Variants in CADM2 observed in about 807,000 individuals in gnomAD.
CADM2 encodes the protein cell adhesion molecule 2.
In CADM2, 12 loss-of-function variants were observed where a neutral mutation model predicts 49.8. The ratio of observed to expected loss-of-function variants is 0.24; its 90% CI spans 0.15 to 0.39. CADM2 has a LOEUF of 0.39. CADM2 is among the 10% of genes least tolerant of loss of function. CADM2 has a pLI of 1.00. For synonymous variants in CADM2, 214 were observed against 175.4 expected (o/e 1.22, Z -1.74); for missense variants, 378 against 492.3 (o/e 0.77, Z 2.20).
chr3:85,002,096 C>T (rs1195784541), intron 1 of CADM2, among the ~76,000 whole-genome samples: 1 of 151,948 alleles, frequency 6.6e-6, no homozygotes, highest in Non-Finnish European at 1.5e-5. Flanking sequence ...TTTTTCTTAA[C>T]ATGATTTGCT....
At chr3:85,013,991 C>T (rs1002357452) in intron 1 of CADM2, among the ~76,000 whole-genome samples, 153 of 136,946 alleles carry the variant, frequency 1.1e-3, no homozygotes, top group Middle Eastern at 0.01. Context: ...ATTATATATA[C>T]GCAGTGTAAT....
At chr3:85,248,963 A>G in intron 1 of CADM2, among the ~76,000 whole-genome samples, 1 of 152,184 alleles carries the variant, frequency 6.6e-6, no homozygotes, top group East Asian at 1.9e-4. Flanking sequence ...TTTGAGCAGA[A>G]GATACAGTAG....
At chr3:85,303,295 T>C (rs1168902754) in intron 1 of CADM2, among the ~76,000 whole-genome samples, 1 of 151,926 alleles carries the variant, frequency 6.6e-6, no homozygotes, top group Admixed American at 6.6e-5. Flanking sequence ...TGCAGTAGTG[T>C]AAGTGTTAAA....
intron 1 of CADM2, among the ~76,000 whole-genome samples, chr3:85,619,993 G>C (rs186452429): frequency 6.6e-6 from 1 of 152,166 alleles, no homozygotes; most frequent in African/African-American, 2.4e-5. Flanking sequence ...GTGATGAAAT[G>C]TCTTTTCATG....
chr3:85,387,463 A>T (rs540782335), intron 1 of CADM2, among the ~76,000 whole-genome samples: 20 of 152,090 alleles, frequency 1.3e-4, no homozygotes, highest in Admixed American at 3.3e-4. Context: ...GTTGGTGTTC[A>T]TTTTATTTTC....
At chr3:85,122,205 A>G (rs1270910725) in intron 1 of CADM2, among the ~76,000 whole-genome samples, 3 of 152,096 alleles carry the variant, frequency 2.0e-5, no homozygotes, top group African/African-American at 4.8e-5. Context: ...CCCTAATTAT[A>G]CTTACAATCA....
At chr3:85,886,078 G>T (rs1713614382) in intron 4 of CADM2, 112 bp from the exon 5 acceptor site, 1 of 1,481,270 alleles carries the variant, frequency 6.8e-7, no homozygotes, top group South Asian at 1.4e-5. Flanking sequence ...CATCTTGATC[G>T]AACTTCTTGT....
chr3:85,416,164 A>G (rs2035910948), intron 1 of CADM2, among the ~76,000 whole-genome samples: 1 of 152,150 alleles, frequency 6.6e-6, no homozygotes, highest in South Asian at 2.1e-4. Flanking sequence ...ATGTGAATAA[A>G]GCTCAGTTGT....
Position 85,740,704 on chromosome 3 carries a change from G to T in CADM2, c.88+14156G>T, listed in dbSNP as rs7612213. Among the ~76,000 whole-genome samples, 881 of 152,116 alleles carry T rather than the reference G, an allele frequency of 5.8e-3. 12 individuals carry two copies. Among genetic ancestry groups the T allele is most frequent in the African/African-American group, 0.021 (853 of 41,518 alleles). On this transcript the variant is annotated intron_variant, in intron 2 of 9. Transcript: ENST00000383699. ...TTGATATTTAAGAGTTTCAAGTCCC[G>T]AAACATCAGCTGGCTCCCTTCAATT...
chr3:85,091,886 C>A (rs1387131801), intron 1 of CADM2, among the ~76,000 whole-genome samples: 4 of 151,996 alleles, frequency 2.6e-5, no homozygotes, highest in African/African-American at 9.7e-5. Context: ...TATGAGAAAA[C>A]ATTTAAACAT....
At chr3:85,782,654 TC>T (rs1022399571) in intron 2 of CADM2, among the ~76,000 whole-genome samples, 14 of 137,670 alleles carry the variant, frequency 1.0e-4, no homozygotes, top group African/African-American at 3.9e-4. Flanking sequence ...AGACTCAGTC[TC>T]AAAAAAAAAA....
Position 85,612,418 on chromosome 3 carries a change from T to C in CADM2, c.62-114104T>C, listed in dbSNP as rs189692171. Among the ~76,000 whole-genome samples, 1,072 of 151,974 alleles carry C rather than the reference T, an allele frequency of 7.1e-3. 21 individuals carry two copies. The highest frequency in any genetic ancestry group is 0.025 in the African/African-American group (1,033 of 41,550). ...ATAAGGATTATAAATTGTGTTTAAA[T>C]AGTTGTATTTTTATATTTTATTGTT... On this transcript the variant is annotated intron_variant, in intron 1 of 9. Transcript: ENST00000383699.
chr3:85,903,252 A>G (rs913043971), intron 5 of CADM2, among the ~76,000 whole-genome samples: 1 of 152,074 alleles, frequency 6.6e-6, no homozygotes, highest in Non-Finnish European at 1.5e-5. Flanking sequence ...AGAAGAAAAA[A>G]GAAGAAACAT....
chr3:85,707,393 C>CTTTTTTTTTTTTTT (rs34006416), intron 1 of CADM2, among the ~76,000 whole-genome samples: 1 of 128,664 alleles, frequency 7.8e-6, no homozygotes, highest in Non-Finnish European at 1.6e-5. Flanking sequence ...ATCATTGTAT[C>CTTTTTTTTTTTTTT]TTTTTTTTTT....
chr3:85,110,377 A>AAG (rs2038404190), intron 1 of CADM2, among the ~76,000 whole-genome samples: 2 of 151,784 alleles, frequency 1.3e-5, no homozygotes, highest in African/African-American at 4.8e-5. Flanking sequence ...GCAAAGTCAA[A>AAG]AGAGAGACAC....
At chr3:85,212,882 C>CTTTCTTTTTTTT (rs1553696367) in intron 1 of CADM2, among the ~76,000 whole-genome samples, 1 of 113,506 alleles carries the variant, frequency 8.8e-6, no homozygotes, top group African/African-American at 4.9e-5. Context: ...TTCTTTCTTT[C>CTTTCTTTTTTTT]TTTCTCTTTC....
rs569767851 is a variant in CADM2, at chr3:85,110,232, C to T, written c.61+150564C>T. Among the ~76,000 whole-genome samples the T allele has an allele frequency of 6.7e-4, 102 of 151,590 alleles. No individual in the cohort carries two copies. The Middle Eastern group carries it at 0.017, about 25-fold the overall frequency. On this transcript the variant is annotated intron_variant, in intron 1 of 9. Transcript: ENST00000383699. ...AATCCCATTAAGCAGGAGGTCTATT[C>T]GTATAGATAAGATTCCAGAGAGACA...
intron 3 of CADM2, among the ~76,000 whole-genome samples, chr3:85,852,338 G>T (rs2075140035): frequency 6.6e-6 from 1 of 152,050 alleles, no homozygotes; most frequent in South Asian, 2.1e-4. Context: ...TTAATGAGAT[G>T]TGTATATTTG....
intron 1 of CADM2, among the ~76,000 whole-genome samples, chr3:84,960,894 G>T (rs1272800852): frequency 6.6e-6 from 1 of 152,176 alleles, no homozygotes; most frequent in Non-Finnish European, 1.5e-5. Context: ...GGCAGGGGCT[G>T]TAAGGCGGAA....
Sources: allele counts gnomAD v4.1 joint callset (sites outside exome capture counted in the v4.1 genomes callset), GRCh38; gene constraint gnomAD v4.1.1; transcripts MANE v1.5; gene names NCBI Gene and HGNC (gene_info 2026-07-23, HGNC 2026-07-21).